CRACDL: variants seen among roughly 807,000 people sequenced by gnomAD.
The protein encoded by CRACDL is CRACD-like protein.
CRACDL carries 26 observed loss-of-function variants against 70.6 expected under a neutral mutation model. That is an observed-to-expected ratio of 0.37 (90% confidence interval 0.27 to 0.51). CRACDL has a LOEUF of 0.51. Among genes scored for constraint, CRACDL ranks in the 20% least tolerant of loss-of-function variants. The pLI is 0.94. For synonymous variants in CRACDL, 618 were observed against 615.2 expected (o/e 1.00, Z -0.07); for missense variants, 1,283 against 1,376.9 (o/e 0.93, Z 1.08).
intron 1 of CRACDL, among the ~76,000 whole-genome samples, chr2:98,930,550 C>T (rs1709048249): frequency 6.7e-6 from 1 of 149,020 alleles, no homozygotes; most frequent in East Asian, 2.0e-4. Context: ...CCTACTGCAT[C>T]TCTGACCCCA....
chr2:98,866,442 A>G (rs1395419498), intron 1 of CRACDL, among the ~76,000 whole-genome samples: 2 of 150,086 alleles, frequency 1.3e-5, no homozygotes, highest in Non-Finnish European at 3.0e-5. Context: ...GGCACTTAGC[A>G]GTAACACCTG....
rs1709199020 is a variant in CRACDL at position 98,936,027 on chromosome 2, G to A, written c.-100C>T. 6.6e-6 allele frequency: 1 copy of A among 152,004 alleles called. No homozygotes were observed. The highest frequency in any genetic ancestry group is 6.5e-5 in the Admixed American group (1 of 15,270). The allele number at this position is 152,004 out of a possible 1,614,324, so 9.4% of individuals were successfully genotyped here. ...GGCGAGCCGGGGCTGCTCCCGCCGC[G>A]GTGCGCGTCTAGCCCCAGCCCAAAG... On this transcript the variant is annotated 5_prime_UTR_variant, in exon 1 of 10. Transcript: ENST00000397899.
chr2:98,822,150 C>T lies in CRACDL; in HGVS notation c.2123G>A (p.Arg708Lys), dbSNP rs762889579. The T allele has an allele frequency of 6.2e-7, 1 of 1,605,594 alleles. No individual in the cohort carries two copies. Among genetic ancestry groups the T allele is most frequent in the Admixed American group, 1.7e-5 (1 of 58,998 alleles). ...TTCTAACCGGACCTCGGCACTGTACCTCTTCACACCCTTCACCTCCTGAGA... is the reference window on the plus strand; with the variant it reads ...TTCTAACCGGACCTCGGCACTGTACTTCTTCACACCCTTCACCTCCTGAGA... The part of the protein sequence containing the change: ...GASQEVKGVK[R>K]YSAEVRLERS... The change falls in exon 7 of 10, where the codon AGG (arginine) becomes AAG (lysine). Residue 708 changes from arginine (R) to lysine (K), a missense_variant. Around this residue, in one of 2 missense-constraint regions of CRACDL, gnomAD observed 921 missense variants for 881.9 expected, o/e 1.04. Coordinates refer to ENST00000397899, the MANE Select transcript of CRACDL (RefSeq NM_207362.3). The surrounding 1 kb of genome is among the most constrained non-coding windows in gnomAD (Gnocchi z 4.9).
chr2:98,899,465 A>G (rs1558630122), intron 1 of CRACDL, among the ~76,000 whole-genome samples: 1 of 152,230 alleles, frequency 6.6e-6, no homozygotes, highest in Non-Finnish European at 1.5e-5. Context: ...TGGACAGCCC[A>G]GACGCTGTGA....
intron 1 of CRACDL, among the ~76,000 whole-genome samples, chr2:98,893,497 G>A (rs1233150694): frequency 6.6e-6 from 1 of 152,082 alleles, no homozygotes; most frequent in African/African-American, 2.4e-5. Context: ...TGTTAGCCAG[G>A]ATGGTCTCGA....
chr2:98,798,898 G>T (rs997085160), intron 7 of CRACDL, among the ~76,000 whole-genome samples: 1 of 151,996 alleles, frequency 6.6e-6, no homozygotes, highest in Non-Finnish European at 1.5e-5. Flanking sequence ...TGCCCAGGCT[G>T]GTCTCGAACT....
intron 7 of CRACDL, 54 bp from the exon 8 acceptor site, chr2:98,797,591 C>T: frequency 6.4e-7 from 1 of 1,555,222 alleles, no homozygotes; most frequent in Non-Finnish European, 8.8e-7. Flanking sequence ...TCTTCGGTTG[C>T]ACCCTTTGTG....
intron 2 of CRACDL, 76 bp from the exon 3 acceptor site, chr2:98,838,363 G>A (rs574223207): frequency 8.1e-5 from 63 of 779,554 alleles, no homozygotes; most frequent in Non-Finnish European, 1.2e-4. Flanking sequence ...CAACAGGCAC[G>A]TAAAAGAGAG....
At chr2:98,803,868 C>G (rs980307585) in intron 7 of CRACDL, among the ~76,000 whole-genome samples, 2 of 152,152 alleles carry the variant, frequency 1.3e-5, no homozygotes, top group Admixed American at 1.3e-4. Context: ...CCTGGTTGAC[C>G]TGGTGGAAAT....
chr2:98,820,527 G>A (rs1359686879), intron 7 of CRACDL, among the ~76,000 whole-genome samples: 1 of 152,118 alleles, frequency 6.6e-6, no homozygotes, highest in Non-Finnish European at 1.5e-5. Context: ...GAGTGAGACG[G>A]AGTCTCAAAA....
intron 1 of CRACDL, among the ~76,000 whole-genome samples, chr2:98,934,057 G>C (rs1436251837): frequency 6.6e-6 from 1 of 152,006 alleles, no homozygotes. Context: ...CTTCCCAAAG[G>C]CCTCATCTCT....
chr2:98,841,459 T>C (rs965197832), intron 2 of CRACDL, among the ~76,000 whole-genome samples: 1 of 152,200 alleles, frequency 6.6e-6, no homozygotes, highest in African/African-American at 2.4e-5. Flanking sequence ...TACAAGGACC[T>C]TCGAATACTT....
At chr2:98,921,286 C>T (rs1708795980) in intron 1 of CRACDL, among the ~76,000 whole-genome samples, 1 of 152,216 alleles carries the variant, frequency 6.6e-6, no homozygotes, top group African/African-American at 2.4e-5. Context: ...TCTGGCAGGG[C>T]GCGGCAGGGC....
chr2:98,818,163 T>C (rs974836011), intron 7 of CRACDL, among the ~76,000 whole-genome samples: 2 of 152,308 alleles, frequency 1.3e-5, no homozygotes, highest in Admixed American at 6.5e-5. Context: ...CCCTGGGCCA[T>C]TTACTTCCTA....
intron 1 of CRACDL, among the ~76,000 whole-genome samples, chr2:98,926,479 C>A (rs78666624): frequency 0.052 from 7,991 of 152,278 alleles, 382 homozygotes; most frequent in South Asian, 0.18. Context: ...GTGACATTTA[C>A]TGCTGGCTCC....
intron 3 of CRACDL, among the ~76,000 whole-genome samples, chr2:98,834,199 G>T (rs924820747): frequency 6.6e-6 from 1 of 152,214 alleles, no homozygotes; most frequent in African/African-American, 2.4e-5. Flanking sequence ...AAGCACCTCC[G>T]CTTTGGATGT....
chr2:98,842,868 T>TTGTGTGTGTGTGTG (rs67398751), intron 2 of CRACDL, among the ~76,000 whole-genome samples: 14 of 145,070 alleles, frequency 9.7e-5, no homozygotes, highest in Middle Eastern at 3.5e-3. Context: ...TTGCTATAGT[T>TTGTGTGTGTGTGTG]TGTGTGTGTG....
At chr2:98,868,256 T>C (rs1281470575) in intron 1 of CRACDL, among the ~76,000 whole-genome samples, 2 of 152,124 alleles carry the variant, frequency 1.3e-5, no homozygotes, top group Non-Finnish European at 2.9e-5. Flanking sequence ...CAGAGCACCC[T>C]CCAAGCCCTG....
chr2:98,850,725 G>A (rs376639507), intron 1 of CRACDL, among the ~76,000 whole-genome samples: 113 of 152,316 alleles, frequency 7.4e-4, no homozygotes, highest in African/African-American at 2.6e-3. Context: ...CTGCTGCGGG[G>A]CACAGCACTT....
Sources: allele counts gnomAD v4.1 joint callset (sites outside exome capture counted in the v4.1 genomes callset), GRCh38; gene constraint gnomAD v4.1.1; regional missense constraint gnomAD v4.1.1; non-coding constraint Gnocchi (gnomAD v3.1); transcripts MANE v1.5; gene names NCBI Gene and HGNC (gene_info 2026-07-23, HGNC 2026-07-21).